NCOA6: variants seen among roughly 807,000 people sequenced by gnomAD.
NCOA6 encodes NRC RAP250.
A neutral mutation model predicts 171.4 loss-of-function variants in NCOA6; 49 were observed. That is an observed-to-expected ratio of 0.29 (90% CI 0.23 to 0.36). The LOEUF is 0.36. Ranked by LOEUF, NCOA6 falls within the 10% of genes least tolerant of loss-of-function variation. The probability of loss-of-function intolerance (pLI) is 1.00; values close to 1 mark genes in which losing one functional copy is unlikely to be tolerated. For synonymous variants in NCOA6, 910 were observed against 927.5 expected (o/e 0.98, Z 0.34); for missense variants, 2,248 against 2,554.5 (o/e 0.88, Z 2.59).
chr20:34,743,785 C>A (rs1022349649), intron 10 of NCOA6, among the ~76,000 whole-genome samples: 1 of 152,202 alleles, frequency 6.6e-6, no homozygotes, highest in African/African-American at 2.4e-5. Flanking sequence ...TTAGGATTCA[C>A]TTCTTCTGTT....
At chr20:34,731,674 T>C (rs990497965) in intron 13 of NCOA6, among the ~76,000 whole-genome samples, 3 of 152,354 alleles carry the variant, frequency 2.0e-5, no homozygotes, top group Middle Eastern at 6.8e-3. Flanking sequence ...TGAAAGTGTC[T>C]TATGAAGTTG....
intron 3 of NCOA6, among the ~76,000 whole-genome samples, chr20:34,778,992 C>G (rs6060046): frequency 0.48 from 68,932 of 144,546 alleles, 16,421 homozygotes; most frequent in East Asian, 0.64. Context: ...AAAGACAAGA[C>G]AAGACTTAGG....
chr20:34,778,509 C>G (rs1446106688), intron 3 of NCOA6, among the ~76,000 whole-genome samples: 5 of 151,118 alleles, frequency 3.3e-5, no homozygotes, highest in Non-Finnish European at 5.9e-5. Context: ...CTCGCTGCAA[C>G]CTCTGCCTCC....
chr20:34,740,617 G>A lies in NCOA6; in HGVS notation c.5639C>T (p.Thr1880Met), dbSNP rs760455129. 15 of 1,614,062 alleles carry A rather than the reference G, an allele frequency of 9.3e-6. No homozygotes were observed. The highest frequency in any genetic ancestry group is 1.7e-5 in the Admixed American group (1 of 60,006). ...TTTTAGCAGAGTGGGTGCTGGGGGC[G>A]TTGGGGTTTTACTGTCCAGCTCTGT... The part of the protein sequence containing the change: ...LSTELDSKTP[T>M]PPAPTLLKMT... The change falls in exon 11 of 15, where the codon ACG becomes ATG. Residue 1880 changes from threonine to methionine, a missense_variant. By Grantham distance (81) the Thr-to-Met change is moderately conservative. This residue lies in a region of NCOA6 where 884 missense variants were observed against 941.9 expected (regional missense o/e 0.94). Transcript: ENST00000359003.
intron 3 of NCOA6, among the ~76,000 whole-genome samples, chr20:34,777,588 C>T (rs957440138): frequency 6.6e-6 from 1 of 151,604 alleles, no homozygotes; most frequent in African/African-American, 2.4e-5. Context: ...GCACTCCAGC[C>T]TGGGTGACAG....
intron 1 of NCOA6, among the ~76,000 whole-genome samples, chr20:34,810,307 T>C (rs953538464): frequency 6.6e-6 from 1 of 152,240 alleles, no homozygotes. Flanking sequence ...TTCATATCAC[T>C]TTCCTACTCT....
intron 1 of NCOA6, among the ~76,000 whole-genome samples, chr20:34,824,528 T>G (rs959007141): frequency 2.0e-5 from 3 of 152,200 alleles, no homozygotes; most frequent in African/African-American, 7.2e-5. Context: ...GCTGTCCCCT[T>G]CCAGGGAAGA....
At position 34,742,527 on chromosome 20, in the gene NCOA6, T is replaced by G; in HGVS notation, c.3729A>C (p.Arg1243Ser). 6.2e-7 allele frequency: 1 copy of G among 1,614,038 alleles called. No individual in the cohort carries two copies. Among genetic ancestry groups the G allele is most frequent in the Non-Finnish European group, 8.5e-7 (1 of 1,180,018 alleles). Residue 1243 changes from arginine to serine, a missense_variant, in exon 11 of 15, where the codon AGA becomes AGC. Arg to Ser is a moderately radical substitution (Grantham distance 110, BLOSUM62 -1). Coordinates refer to ENST00000359003, the MANE Select transcript of NCOA6 (RefSeq NM_014071.5). ...AGAGTCCTGCTATGGAGGCATTGAG[T>G]CTTTCTGGTGACAGACTGATTTCTG... ...EPSEISLSPE[R>S]LNASIAGLFP...
At position 34,757,450 on chromosome 20, in the gene NCOA6, G is replaced by A. The variant is rs2076674288; in HGVS notation, c.1298C>T (p.Ser433Phe). ...TGCAGGGGATCCCTGCTGGAAGGAG[G>A]AGGGTGAGGAGGCAGGAGACTTGTT... ...LTNKSPASSP[S>F]SFQQGSPASS... Residue 433 changes from serine to phenylalanine, a missense_variant, in exon 7 of 15, where the codon TCC (serine) becomes TTC (phenylalanine). Physicochemically the swap from Ser to Phe is radical, Grantham distance 155. Around this residue, in one of 7 missense-constraint regions of NCOA6, gnomAD observed 987 missense variants for 1,104.7 expected, o/e 0.89. Coordinates refer to ENST00000359003, the MANE Select transcript of NCOA6 (RefSeq NM_014071.5). 1 of 1,613,736 alleles carries A rather than the reference G, an allele frequency of 6.2e-7. No homozygotes were observed. Among genetic ancestry groups the A allele is most frequent in the Non-Finnish European group, 8.5e-7 (1 of 1,179,828 alleles).
In NCOA6 at chr20:34,749,484, T is replaced by C. The variant is rs777754784; in HGVS notation, c.2711A>G (p.Asn904Ser). 14 of 1,614,086 alleles carry C rather than the reference T, an allele frequency of 8.7e-6. No homozygotes were observed. The highest frequency in any genetic ancestry group is 2.7e-5 in the African/African-American group (2 of 74,936). Residue 904 changes from asparagine to serine, a missense_variant, in exon 9 of 15, where the codon AAT becomes AGT. By Grantham distance (46) the Asn-to-Ser change is conservative (BLOSUM62 1). Coordinates refer to ENST00000359003, the MANE Select transcript of NCOA6 (RefSeq NM_014071.5). ...ATTTGCGTTGGTATTATTTTGCTTA[T>C]TGTTTACCCCAAAATGGCCTGCAGA... ...DISAGHFGVN[N>S]KQNNTNANKP...
At chr20:34,735,148 A>C (rs1438120769) in intron 12 of NCOA6, among the ~76,000 whole-genome samples, 1 of 152,172 alleles carries the variant, frequency 6.6e-6, no homozygotes, top group Non-Finnish European at 1.5e-5. Context: ...AGAAGGGGGA[A>C]AAATGATATG....
At chr20:34,727,501 G>A in intron 13 of NCOA6, 94 bp from the exon 14 acceptor site, 1 of 1,326,206 alleles carries the variant, frequency 7.5e-7, no homozygotes, top group Non-Finnish European at 1.1e-6. Flanking sequence ...TAAAGTAGGA[G>A]ACTAAGAACT....
chr20:34,798,656 AAGAGG>A (rs1281928892), intron 1 of NCOA6, among the ~76,000 whole-genome samples: 1 of 152,202 alleles, frequency 6.6e-6, no homozygotes, highest in African/African-American at 2.4e-5. Flanking sequence ...GGGAGAGAGT[AAGAGG>A]AGAGAACAAG....
chr20:34,721,156 C>G (rs1348213964), intron 14 of NCOA6, among the ~76,000 whole-genome samples: 1 of 140,132 alleles, frequency 7.1e-6, no homozygotes, highest in Non-Finnish European at 1.5e-5. Context: ...ATGGCCAACT[C>G]TTTTATCAAT....
At chr20:34,814,353 T>C (rs1349555536) in intron 1 of NCOA6, among the ~76,000 whole-genome samples, 1 of 151,256 alleles carries the variant, frequency 6.6e-6, no homozygotes, top group Non-Finnish European at 1.5e-5. Flanking sequence ...AAAAAAAAAA[T>C]TGTAAAATAT....
chr20:34,743,558 C>T (rs2076216381), intron 10 of NCOA6, among the ~76,000 whole-genome samples: 1 of 152,152 alleles, frequency 6.6e-6, no homozygotes, highest in South Asian at 2.1e-4. Flanking sequence ...CATCAAAAAA[C>T]CTGGAGCTCC....
chr20:34,780,719 T>C (rs1205164737), intron 3 of NCOA6, among the ~76,000 whole-genome samples: 1 of 151,948 alleles, frequency 6.6e-6, no homozygotes, highest in Non-Finnish European at 1.5e-5. Context: ...GGGGCACTAT[T>C]AGAGCTCACT....
intron 1 of NCOA6, chr20:34,819,570 T>C (rs912224384): frequency 1.3e-5 from 2 of 152,182 alleles, no homozygotes; most frequent in Non-Finnish European, 2.9e-5. Flanking sequence ...CCCCTAAAAC[T>C]AAGTAGCTCC....
At chr20:34,730,030 C>T (rs1990421836) in intron 13 of NCOA6, among the ~76,000 whole-genome samples, 1 of 151,352 alleles carries the variant, frequency 6.6e-6, no homozygotes. Context: ...AGAAAATGGT[C>T]AAAGCTTCTG....
Sources: gnomAD v4.1 joint callset for allele counts (sites outside exome capture counted in the v4.1 genomes callset) on GRCh38, gnomAD v4.1.1 for gene constraint, gnomAD v4.1.1 regional missense constraint, MANE v1.5 for transcripts, NCBI Gene and HGNC (gene_info 2026-07-23, HGNC 2026-07-21) for gene names.